The following SNX16 variants were observed in gnomAD, a reference collection of about 807,000 sequenced individuals.
SNX16 encodes the protein sorting nexin-16.
Under a neutral mutation model 36.7 loss-of-function variants are expected in SNX16, and 35 were observed. That is an observed-to-expected ratio of 0.95 (90% CI 0.73 to 1.27). The LOEUF (loss-of-function observed/expected upper bound fraction) is 1.27. Among genes scored for constraint, SNX16 ranks in the 50% most tolerant of loss-of-function variants. The pLI, the probability that SNX16 is intolerant of heterozygous loss-of-function variation, is 0.00. For synonymous variants in SNX16, 134 were observed against 132.0 expected (o/e 1.02, Z -0.10); for missense variants, 367 against 393.6 (o/e 0.93, Z 0.57).
At chr8:81,815,820 CAA>C (rs1252860331) in intron 4 of SNX16, 1 of 154,504 alleles carries the variant, frequency 6.5e-6, no homozygotes, top group African/African-American at 2.4e-5. Context: ...CATTTACTCT[CAA>C]ACAAGTTAAA....
At chr8:81,805,883 T>C (rs1344053112) in intron 5 of SNX16, among the ~76,000 whole-genome samples, 1 of 151,978 alleles carries the variant, frequency 6.6e-6, no homozygotes, top group Non-Finnish European at 1.5e-5. Context: ...ATAGCGCCAC[T>C]GCACTCCAGC....
At chr8:81,822,390 G>A (rs1403234416) in intron 4 of SNX16, among the ~76,000 whole-genome samples, 1 of 152,118 alleles carries the variant, frequency 6.6e-6, no homozygotes, top group Non-Finnish European at 1.5e-5. Flanking sequence ...CAGAGAAGGG[G>A]AGGTGGGCAG....
chr8:81,801,895 T>C (rs1809713914), intron 7 of SNX16, among the ~76,000 whole-genome samples: 1 of 151,746 alleles, frequency 6.6e-6, no homozygotes, highest in Admixed American at 6.6e-5. Context: ...AGAATTATAG[T>C]TGACCATTAC....
chr8:81,834,317 T>C (rs139791079), intron 2 of SNX16, among the ~76,000 whole-genome samples: 2,895 of 152,248 alleles, frequency 0.019, 47 homozygotes, highest in Non-Finnish European at 0.027. Flanking sequence ...TCCCACAACA[T>C]GTGGGAATTC....
chr8:81,831,945 C>G (rs1334473110), intron 2 of SNX16, among the ~76,000 whole-genome samples: 1 of 152,098 alleles, frequency 6.6e-6, no homozygotes, highest in Non-Finnish European at 1.5e-5. Flanking sequence ...GAAAAGAGAG[C>G]ACTTATATAT....
intron 5 of SNX16, among the ~76,000 whole-genome samples, chr8:81,814,188 C>G (rs1243452478): frequency 2.0e-5 from 3 of 151,830 alleles, no homozygotes; most frequent in Non-Finnish European, 4.4e-5. Flanking sequence ...CAATGGGTGA[C>G]TGGATAAACA....
chr8:81,808,730 T>G, intron 5 of SNX16: 1 of 1,141,974 alleles, frequency 8.8e-7, no homozygotes, highest in East Asian at 2.3e-5. Context: ...GCAGAAGATT[T>G]TAATTAGGAA....
intron 3 of SNX16, among the ~76,000 whole-genome samples, chr8:81,827,573 A>G (rs1186580837): frequency 6.6e-6 from 1 of 152,234 alleles, no homozygotes; most frequent in African/African-American, 2.4e-5. Flanking sequence ...AACTGTAGGT[A>G]TACATTAAAA....
rs1018247543 is a variant in SNX16, at chr8:81,803,001, T to C, written c.818+91A>G. 6.8e-6 allele frequency: 8 copies of C among 1,183,250 alleles called. No individual in the cohort carries two copies. The South Asian group carries it at 1.0e-4, about 15-fold the overall frequency. The allele number at this position is 1,183,250 out of a possible 1,614,324, so 73.3% of individuals were successfully genotyped here. On this transcript the variant is annotated intron_variant, in intron 6 of 7. Coordinates refer to ENST00000345957, the MANE Select transcript of SNX16 (RefSeq NM_152836.3). The stretch of plus-strand genomic sequence containing the variant: ...GCCTACAACTTTCAGAATCAGAAAA[T>C]TCCTAAATCATATTAAAATATAAAG...
chr8:81,823,778 A>C lies in SNX16; in HGVS notation c.611+14T>G. On this transcript the variant is annotated intron_variant, in intron 4 of 7. Coordinates refer to ENST00000345957, the MANE Select transcript of SNX16 (RefSeq NM_152836.3). ...GAATGCTTTTATAATCTCTTATTTC[A>C]ATTCGTTACATACCAGTTAGCAATG... is the stretch of plus-strand genomic sequence containing the variant. 1 of 1,573,474 alleles carries C rather than the reference A, an allele frequency of 6.4e-7. No homozygotes were observed. The highest frequency in any genetic ancestry group is 8.6e-7 in the Non-Finnish European group (1 of 1,163,078).
chr8:81,810,211 T>C (rs142218187), intron 5 of SNX16, among the ~76,000 whole-genome samples: 9 of 152,220 alleles, frequency 5.9e-5, no homozygotes, highest in African/African-American at 2.2e-4. Flanking sequence ...TCCATACAAG[T>C]AATAGATTTG....
In SNX16 at chr8:81,802,533, A is replaced by G. The variant is rs751898186; in HGVS notation, c.819-34T>C. 14 of 1,579,572 alleles carry G rather than the reference A, an allele frequency of 8.9e-6. No homozygotes were observed. In the African/African-American group the frequency reaches 1.5e-4, roughly 17 times the overall value. ...ATGTTATAGCAACAAGTTATTTTCTATGAACAAAACAGGCATATGTTTAAT... is the reference window on the plus strand; with the variant it reads ...ATGTTATAGCAACAAGTTATTTTCTGTGAACAAAACAGGCATATGTTTAAT... On this transcript the variant is annotated intron_variant, in intron 6 of 7. Coordinates refer to ENST00000345957, the MANE Select transcript of SNX16 (RefSeq NM_152836.3).
intron 4 of SNX16, among the ~76,000 whole-genome samples, chr8:81,817,214 TAC>T (rs1326293406): frequency 3.9e-5 from 6 of 152,244 alleles, no homozygotes; most frequent in African/African-American, 7.2e-5. Context: ...ATTATTTTCT[TAC>T]AGTTTTATAT....
At chr8:81,839,240 G>A (rs564515693) in intron 2 of SNX16, among the ~76,000 whole-genome samples, 1 of 152,166 alleles carries the variant, frequency 6.6e-6, no homozygotes, top group East Asian at 1.9e-4. Context: ...AAAGAGACCA[G>A]ATGCAAAAAG....
chr8:81,816,700 A>G (rs1427815963), intron 4 of SNX16, among the ~76,000 whole-genome samples: 3 of 152,122 alleles, frequency 2.0e-5, no homozygotes, highest in African/African-American at 7.2e-5. Context: ...TAAGATTAGG[A>G]TAAGTATTGG....
intron 2 of SNX16, among the ~76,000 whole-genome samples, chr8:81,838,297 T>C (rs1202616547): frequency 1.5e-4 from 23 of 152,150 alleles, no homozygotes; most frequent in Admixed American, 1.5e-3. Flanking sequence ...CTCCCCAGAT[T>C]AATCTATAGA....
chr8:81,842,184 T>G lies in SNX16; in HGVS notation c.-159A>C, dbSNP rs1296629043. On this transcript the variant is annotated 5_prime_UTR_variant, in exon 1 of 8. Coordinates refer to ENST00000345957, the MANE Select transcript of SNX16 (RefSeq NM_152836.3). Reference sequence around the variant, plus strand: ...CGGTGACGGTTAAACCGGACTCTCCTTAACCGCAGCTTTTCGCCTCCTCCC... The same window carrying G: ...CGGTGACGGTTAAACCGGACTCTCCGTAACCGCAGCTTTTCGCCTCCTCCC... 6.7e-6 allele frequency: 1 copy of G among 149,708 alleles called. No individual in the cohort carries two copies. Among genetic ancestry groups the G allele is most frequent in the East Asian group, 2.0e-4 (1 of 4,928 alleles). The allele number at this position is 149,708 out of a possible 1,614,324, so 9.3% of individuals were successfully genotyped here.
intron 2 of SNX16, among the ~76,000 whole-genome samples, chr8:81,834,953 A>C (rs1586021013): frequency 6.6e-6 from 1 of 152,186 alleles, no homozygotes; most frequent in East Asian, 1.9e-4. Context: ...TGGGGCTCTG[A>C]CCCCACATTT....
Position 81,799,728 on chromosome 8 carries a change from T to A in SNX16, c.*1769A>T, listed in dbSNP as rs1809597167. The A allele has an allele frequency of 6.6e-6, 1 of 152,082 alleles. No homozygotes were observed. Among genetic ancestry groups the A allele is most frequent in the African/African-American group, 2.4e-5 (1 of 41,556 alleles). 9.4% of individuals were successfully genotyped at this position (152,082 alleles called of 1,614,324 possible). A position where few individuals can be genotyped will look rare whatever the true frequency, so the allele number is the denominator to read the frequency against. On this transcript the variant is annotated 3_prime_UTR_variant, in exon 8 of 8. Coordinates refer to ENST00000345957, the MANE Select transcript of SNX16 (RefSeq NM_152836.3). ...TTCTTCATCCTTGAAGAACTTTAAA[T>A]ACAATCTTCCAAAAAGCCAGATTGA...
Sources: gnomAD v4.1 joint callset for allele counts (sites outside exome capture counted in the v4.1 genomes callset) on GRCh38, gnomAD v4.1.1 for gene constraint, MANE v1.5 for transcripts, NCBI Gene and HGNC (gene_info 2026-07-23, HGNC 2026-07-21) for gene names.